SAMD4A: variants seen among roughly 807,000 people sequenced by gnomAD.
SAMD4A encodes sterile alpha motif domain containing 4A, also known as protein Smaug homolog 1.
A neutral mutation model predicts 81.3 loss-of-function variants in SAMD4A; 33 were observed. That is an observed-to-expected ratio of 0.41 (90% CI 0.31 to 0.54). SAMD4A has a LOEUF of 0.54. Ranked by LOEUF, SAMD4A falls within the 20% of genes least tolerant of loss-of-function variation. SAMD4A has a pLI of 0.37. For synonymous variants in SAMD4A, 389 were observed against 382.1 expected, an observed-to-expected ratio of 1.02 and a Z score of -0.21; for missense variants, 854 against 951.1, an observed-to-expected ratio of 0.90 and a Z score of 1.34.
At chr14:54,700,395 T>C (rs535415556) in intron 2 of SAMD4A, among the ~76,000 whole-genome samples, 2 of 152,376 alleles carry the variant, frequency 1.3e-5, no homozygotes, top group South Asian at 2.1e-4. Flanking sequence ...TTATATACCA[T>C]GCCTCTTTTT....
chr14:54,734,788 T>G (rs2037649630), intron 3 of SAMD4A, among the ~76,000 whole-genome samples: 1 of 152,208 alleles, frequency 6.6e-6, no homozygotes, highest in African/African-American at 2.4e-5. Context: ...TCAGCATCCA[T>G]GTGAAGATGA....
intron 2 of SAMD4A, among the ~76,000 whole-genome samples, chr14:54,633,168 A>G (rs1384220316): frequency 6.6e-6 from 1 of 152,172 alleles, no homozygotes; most frequent in Non-Finnish European, 1.5e-5. Flanking sequence ...TGAGGAGTGG[A>G]GGCAGGGGAG....
At chr14:54,739,210 ATCCCCAT>A in intron 4 of SAMD4A, among the ~76,000 whole-genome samples, 3 of 152,056 alleles carry the variant, frequency 2.0e-5, no homozygotes. Flanking sequence ...TAAATGCCCT[ATCCCCAT>A]TTTGGGACAA....
intron 2 of SAMD4A, among the ~76,000 whole-genome samples, chr14:54,615,106 C>T (rs1299551337): frequency 2.6e-5 from 4 of 152,184 alleles, no homozygotes; most frequent in Admixed American, 2.6e-4. Context: ...TCACCTGGAA[C>T]CTTGGAAAGT....
At chr14:54,704,957 G>A (rs1291918200) in intron 3 of SAMD4A, among the ~76,000 whole-genome samples, 1 of 152,152 alleles carries the variant, frequency 6.6e-6, no homozygotes, top group African/African-American at 2.4e-5. Context: ...CTGACAGAGG[G>A]AAGAACAAGG....
intron 2 of SAMD4A, among the ~76,000 whole-genome samples, chr14:54,688,802 T>G (rs1449818479): frequency 6.6e-6 from 1 of 152,134 alleles, no homozygotes; most frequent in Non-Finnish European, 1.5e-5. Flanking sequence ...ATCCTCCAAA[T>G]GCTATCAATT....
At chr14:54,646,494 C>T (rs1389256612) in intron 2 of SAMD4A, among the ~76,000 whole-genome samples, 1 of 152,216 alleles carries the variant, frequency 6.6e-6, no homozygotes, top group African/African-American at 2.4e-5. Context: ...GATACTGCTG[C>T]CATTGATCCA....
At chr14:54,779,203 G>T (rs1224986006) in intron 11 of SAMD4A, among the ~76,000 whole-genome samples, 2 of 152,192 alleles carry the variant, frequency 1.3e-5, no homozygotes, top group African/African-American at 4.8e-5. Flanking sequence ...GGGGCTTGTG[G>T]CCAGGCGTTA....
At chr14:54,654,705 A>G (rs2035481327) in intron 2 of SAMD4A, among the ~76,000 whole-genome samples, 1 of 152,228 alleles carries the variant, frequency 6.6e-6, no homozygotes, top group South Asian at 2.1e-4. Flanking sequence ...TAGCTTCAGG[A>G]AAAACTTGTA....
chr14:54,570,644 A>G (rs1205504187), intron 2 of SAMD4A, among the ~76,000 whole-genome samples: 1 of 152,228 alleles, frequency 6.6e-6, no homozygotes, highest in African/African-American at 2.4e-5. Flanking sequence ...GGAACCCTCA[A>G]TTGACCTTGT....
At chr14:54,663,080 C>G (rs1442669930) in intron 2 of SAMD4A, among the ~76,000 whole-genome samples, 1 of 152,210 alleles carries the variant, frequency 6.6e-6, no homozygotes, top group Non-Finnish European at 1.5e-5. Context: ...AGAGAAGTGA[C>G]TGAAACTGAT....
At chr14:54,610,856 G>A (rs2034333523) in intron 2 of SAMD4A, among the ~76,000 whole-genome samples, 1 of 152,138 alleles carries the variant, frequency 6.6e-6, no homozygotes, top group African/African-American at 2.4e-5. Context: ...AAAAAGAGAA[G>A]GTTTTGGTTT....
chr14:54,597,160 T>C (rs554938093), intron 2 of SAMD4A, among the ~76,000 whole-genome samples: 1 of 152,126 alleles, frequency 6.6e-6, no homozygotes, highest in Non-Finnish European at 1.5e-5. Context: ...TGCATTCCTA[T>C]GTGGGTACAA....
intron 7 of SAMD4A, among the ~76,000 whole-genome samples, chr14:54,764,041 T>G (rs1049243790): frequency 1.3e-5 from 2 of 152,216 alleles, no homozygotes; most frequent in East Asian, 3.8e-4. Context: ...TCTCTGCACC[T>G]GGCGAGGGGT....
intron 3 of SAMD4A, among the ~76,000 whole-genome samples, chr14:54,723,554 A>G (rs769831037): frequency 1.2e-4 from 18 of 152,216 alleles, no homozygotes; most frequent in Admixed American, 3.3e-4. Context: ...TCCTAGAAAT[A>G]CTGTGGCAAA....
At chr14:54,751,605 C>T in intron 6 of SAMD4A, 68 bp downstream of exon 6, 1 of 1,004,216 alleles carries the variant, frequency 1.0e-6, no homozygotes, top group Non-Finnish European at 1.6e-6. Flanking sequence ...AAATTCTCCA[C>T]TGGAAGTGTC....
At chr14:54,687,628 A>G (rs2036310016) in intron 2 of SAMD4A, among the ~76,000 whole-genome samples, 1 of 152,082 alleles carries the variant, frequency 6.6e-6, no homozygotes, top group African/African-American at 2.4e-5. Flanking sequence ...AACTTTCTAT[A>G]AAAGGCAGCC....
chr14:54,768,933 A>T (rs1180423142), intron 8 of SAMD4A, among the ~76,000 whole-genome samples: 3 of 152,136 alleles, frequency 2.0e-5, no homozygotes, highest in African/African-American at 7.2e-5. Flanking sequence ...TTCTCCATTT[A>T]AGGAATCTGT....
chr14:54,715,241 T>G (rs1276288065), intron 3 of SAMD4A, among the ~76,000 whole-genome samples: 1 of 151,980 alleles, frequency 6.6e-6, no homozygotes, highest in Non-Finnish European at 1.5e-5. Flanking sequence ...CAACTCAGAG[T>G]GTGATCTTAA....
Sources: gnomAD v4.1 joint callset for allele counts (sites outside exome capture counted in the v4.1 genomes callset) on GRCh38, gnomAD v4.1.1 for gene constraint, MANE v1.5 for transcripts, NCBI Gene and HGNC (gene_info 2026-07-23, HGNC 2026-07-21) for gene names.